MLLT6: variants seen among roughly 807,000 people sequenced by gnomAD.
The protein encoded by MLLT6 is protein AF-17.
MLLT6 carries 22 observed loss-of-function variants against 103.0 expected under a neutral mutation model. The observed-to-expected ratio is 0.21, with a 90% CI of 0.15 to 0.31. The LOEUF is 0.31. Ranked by LOEUF, MLLT6 falls within the 10% of genes least tolerant of loss-of-function variation. The pLI is 1.00. For missense variants in MLLT6, 1,199 were observed against 1,441.7 expected (o/e 0.83, Z 2.73); for synonymous variants, 606 against 623.5 (o/e 0.97, Z 0.42).
Position 38,717,564 on chromosome 17 carries a change from C to T in MLLT6, c.1784C>T (p.Pro595Leu), listed in dbSNP as rs1280768287. 3.7e-6 allele frequency: 6 copies of T among 1,613,956 alleles called. No individual in the cohort carries two copies. The highest frequency in any genetic ancestry group is 1.7e-5 in the Admixed American group (1 of 59,994). Residue 595 changes from proline (P) to leucine (L), a missense_variant, in exon 11 of 20, where the codon CCG becomes CTG. Transcript: ENST00000621332. ...TSALPRLSRS[P>L]FTSTLPSSSA... ...GCCCTGCCCCGCCTCAGCCGCTCCC[C>T]GTTCACCAGCACCCTCCCCTCCTCT...
chr17:38,722,946 A>G (rs1905841747), intron 18 of MLLT6, among the ~76,000 whole-genome samples, 178 bp downstream of exon 18: 1 of 152,042 alleles, frequency 6.6e-6, no homozygotes, highest in African/African-American at 2.4e-5. Context: ...TAAGGGGGAT[A>G]AGATCATGCC....
chr17:38,708,060 A>G, intron 4 of MLLT6, 188 bp downstream of exon 4: 1 of 588,164 alleles, frequency 1.7e-6, no homozygotes, highest in Non-Finnish European at 3.1e-6. Flanking sequence ...CACTCAGGTG[A>G]AATAGTAGGC....
chr17:38,719,924 C>T, intron 14 of MLLT6, 29 bp downstream of exon 14: 3 of 1,545,890 alleles, frequency 1.9e-6, no homozygotes, highest in Non-Finnish European at 2.6e-6. Flanking sequence ...GGTCGGGACG[C>T]CTGCCCTAGG....
chr17:38,712,646 C>A, intron 7 of MLLT6, 45 bp from the exon 8 acceptor site: 1 of 1,324,384 alleles, frequency 7.6e-7, no homozygotes, highest in Non-Finnish European at 1.1e-6. Flanking sequence ...TGTCCTCGCC[C>A]AGACAGCCCC....
rs530714526 is a variant in MLLT6, at chr17:38,725,494, T to C, written c.3241-63T>C. ...CAGCTTTCTTGGCCTAGGAAGCTGT[T>C]CTTATCTGGGGGTTAGGACCTGACA... On this transcript the variant is annotated intron_variant, in intron 19 of 19. Coordinates refer to ENST00000621332, the MANE Select transcript of MLLT6 (RefSeq NM_005937.4). 1.5e-5 allele frequency: 23 copies of C among 1,487,156 alleles called. No individual in the cohort carries two copies. The South Asian group carries it at 2.7e-4, about 17-fold the overall frequency. The allele number at this position is 1,487,156 out of a possible 1,614,324, so 92.1% of individuals were successfully genotyped here. A position where few individuals can be genotyped will look rare whatever the true frequency, so the allele number is the denominator to read the frequency against.
In MLLT6 at chr17:38,716,818, A is replaced by G. The variant is rs1390740590; in HGVS notation, c.1488A>G (p.Pro496=). ...NKEGTGGPAA[P]SLPSAQLAGF... The stretch of plus-strand genomic sequence containing the variant: ...AGGGCACTGGGGGCCCAGCTGCCCC[A>G]TCCTTGCCCAGTGCCCAGCTGGCTG... Residue 496 remains proline, a synonymous_variant, in exon 10 of 20, where the codon CCA becomes CCG. Coordinates refer to ENST00000621332, the MANE Select transcript of MLLT6 (RefSeq NM_005937.4). This position sits in a 1 kb window ranked among gnomAD's most constrained non-coding sequence, Gnocchi z 5.6. 1 of 1,612,376 alleles carries G rather than the reference A, an allele frequency of 6.2e-7. No individual in the cohort carries two copies. Among genetic ancestry groups the G allele is most frequent in the South Asian group, 1.1e-5 (1 of 90,782 alleles).
intron 4 of MLLT6, among the ~76,000 whole-genome samples, chr17:38,708,524 C>T (rs1465527080): frequency 6.6e-6 from 1 of 152,192 alleles, no homozygotes; most frequent in Admixed American, 6.5e-5. Context: ...AAGGCCTTGG[C>T]CTTTCAGAGC....
chr17:38,711,740 G>A (rs1023896342), intron 6 of MLLT6, 107 bp from the exon 7 acceptor site: 72 of 1,364,320 alleles, frequency 5.3e-5, no homozygotes, highest in Non-Finnish European at 6.4e-5. Context: ...AGTGACAGAC[G>A]GGGCACATGG....
intron 9 of MLLT6, 31 bp downstream of exon 9, chr17:38,715,859 A>C: frequency 6.5e-7 from 1 of 1,549,920 alleles, no homozygotes; most frequent in South Asian, 1.2e-5. Flanking sequence ...GGAAGCTGGG[A>C]GCAGGGAAAG....
rs1567926465 is a variant in MLLT6 at position 38,715,771 on chromosome 17, GCCTCCTCTTCTTCCT to G, written c.990_1004del (p.Ser334_Ser338del). On this transcript the variant is annotated inframe_deletion, in exon 9 of 20. Coordinates refer to ENST00000621332, the MANE Select transcript of MLLT6 (RefSeq NM_005937.4). ...GAAAGGTGTGAGCAGTTTTACCTCC[GCCTCCTCTTCTTCCT>G]CCTCCTCTTCCTCCTCCTCTGGGGG... 1.2e-6 allele frequency: 2 copies of G among 1,612,910 alleles called. No individual in the cohort carries two copies. The highest frequency in any genetic ancestry group is 1.7e-6 in the Non-Finnish European group (2 of 1,179,524).
chr17:38,718,325 A>C (rs1905470313), intron 12 of MLLT6: 1 of 203,208 alleles, frequency 4.9e-6, no homozygotes, highest in Non-Finnish European at 1.0e-5. Context: ...CAGTGAGCCG[A>C]GATCGCTCCA....
chr17:38,722,915 C>G (rs12453789), intron 18 of MLLT6, 147 bp downstream of exon 18: 13,350 of 656,372 alleles, frequency 0.02, 440 homozygotes, highest in East Asian at 0.12. Flanking sequence ...GGGCTGGGCC[C>G]TGTGGAGCAT....
chr17:38,715,496 T>A, intron 8 of MLLT6, 116 bp from the exon 9 acceptor site: 1 of 1,425,946 alleles, frequency 7.0e-7, no homozygotes, highest in Non-Finnish European at 9.1e-7. Flanking sequence ...TTCATGAAAC[T>A]AGCTGTGGGC....
Position 38,727,801 on chromosome 17 carries a change from GA to G in MLLT6, c.*2212del, listed in dbSNP as rs143305642. 3.1e-5 allele frequency: 7 copies of G among 225,850 alleles called. No individual in the cohort carries two copies. Among genetic ancestry groups the G allele is most frequent in the African/African-American group, 4.5e-5 (2 of 44,664 alleles). 14.0% of individuals were successfully genotyped at this position (225,850 alleles called of 1,614,324 possible). A position where few individuals can be genotyped will look rare whatever the true frequency, so the allele number is the denominator to read the frequency against. On this transcript the variant is annotated 3_prime_UTR_variant, in exon 20 of 20. Coordinates refer to ENST00000621332, the MANE Select transcript of MLLT6 (RefSeq NM_005937.4). ...GAGAGTGAGACTCTGTCTCAAAAGA[GA>G]AAAAAAAAGAAAAGTAACCTTCAGA...
At chr17:38,720,130 A>G (rs1044562251) in intron 14 of MLLT6, 7 of 700,448 alleles carry the variant, frequency 1.0e-5, no homozygotes, top group South Asian at 5.8e-5. Context: ...CCAAACCGCA[A>G]CTTCCGCCCT....
In MLLT6 at chr17:38,729,748, C is replaced by G. The variant is rs977746915; in HGVS notation, c.*4150C>G. On this transcript the variant is annotated 3_prime_UTR_variant, in exon 20 of 20. Transcript: ENST00000621332. ...TGTACGAAGGGCAGTTCGTAAACAG[C>G]ACTTGTTCTTTTAATAAAAGAATGT... The G allele has an allele frequency of 1.7e-4, 34 of 202,846 alleles. No individual in the cohort carries two copies. Among genetic ancestry groups the G allele is most frequent in the African/African-American group, 7.3e-4 (31 of 42,204 alleles). The allele number at this position is 202,846 out of a possible 1,614,324, so 12.6% of individuals were successfully genotyped here. A position where few individuals can be genotyped will look rare whatever the true frequency, so the allele number is the denominator to read the frequency against.
In MLLT6 at chr17:38,717,504, T is replaced by TCTC. The variant is rs752175998; in HGVS notation, c.1729_1731dup (p.Ser578dup). The TCTC allele has an allele frequency of 6.2e-7, 1 of 1,613,180 alleles. No homozygotes were observed. The highest frequency in any genetic ancestry group is 8.5e-7 in the Non-Finnish European group (1 of 1,179,876). On this transcript the variant is annotated inframe_insertion, in exon 11 of 20. Coordinates refer to ENST00000621332, the MANE Select transcript of MLLT6 (RefSeq NM_005937.4). ...CTGCGGGCTGTCTGCAGCACCCCTCTCTCCTCCAGCCTCCTGGGGCCCCCA... is the reference window on the plus strand; with the variant it reads ...CTGCGGGCTGTCTGCAGCACCCCTCTCTCCTCCTCCAGCCTCCTGGGGCCCCCA...
chr17:38,719,633 C>CGAGGGAG, intron 13 of MLLT6, 50 bp downstream of exon 13: 1 of 1,572,842 alleles, frequency 6.4e-7, no homozygotes. Context: ...GAGGGACACC[C>CGAGGGAG]GAGGGAGGAG....
intron 19 of MLLT6, 117 bp from the exon 20 acceptor site, chr17:38,725,440 T>G: frequency 1.1e-6 from 1 of 921,672 alleles, no homozygotes; most frequent in East Asian, 2.7e-5. Flanking sequence ...GCCAGAGGCT[T>G]CCATTGGCCC....
Sources: allele counts gnomAD v4.1 joint callset (sites outside exome capture counted in the v4.1 genomes callset), GRCh38; gene constraint gnomAD v4.1.1; non-coding constraint Gnocchi (gnomAD v3.1); transcripts MANE v1.5; gene names NCBI Gene and HGNC (gene_info 2026-07-23, HGNC 2026-07-21).